The following RANBP17 variants were observed in gnomAD, a reference collection of about 807,000 sequenced individuals.
RANBP17 encodes RAN binding protein 17.
RANBP17 carries 158 observed loss-of-function variants against 141.2 expected under a neutral mutation model. That is an observed-to-expected ratio of 1.12 (90% confidence interval 0.98 to 1.28). The LOEUF (loss-of-function observed/expected upper bound fraction) is 1.28, where lower values mean the gene tolerates loss of function less well. RANBP17 is among the 50% of genes most tolerant of loss of function. The probability of loss-of-function intolerance (pLI) is 0.00; values close to 1 mark genes in which losing one functional copy is unlikely to be tolerated. For synonymous variants in RANBP17, 430 were observed against 450.0 expected (o/e 0.96, Z 0.56); for missense variants, 1,438 against 1,290.7 (o/e 1.11, Z -1.75).
intron 25 of RANBP17, among the ~76,000 whole-genome samples, chr5:171,277,362 C>T (rs1767552285): frequency 6.6e-6 from 1 of 151,666 alleles, no homozygotes; most frequent in Non-Finnish European, 1.5e-5. Flanking sequence ...GGATGGCTAC[C>T]TTGGCCAGAA....
chr5:171,145,103 C>A (rs189193282), intron 14 of RANBP17, among the ~76,000 whole-genome samples: 1 of 152,268 alleles, frequency 6.6e-6, no homozygotes, highest in East Asian at 1.9e-4. Context: ...ACTATGAAGG[C>A]TAGATATTAA....
At chr5:171,106,272 C>T (rs1359561997) in intron 14 of RANBP17, among the ~76,000 whole-genome samples, 2 of 152,048 alleles carry the variant, frequency 1.3e-5, no homozygotes, top group Non-Finnish European at 2.9e-5. Flanking sequence ...AGAGAGGAAT[C>T]AGAAGTCTTC....
At chr5:171,108,286 G>A (rs1416059792) in intron 14 of RANBP17, among the ~76,000 whole-genome samples, 1 of 152,022 alleles carries the variant, frequency 6.6e-6, no homozygotes, top group African/African-American at 2.4e-5. Context: ...ATGAAGCAGT[G>A]CAACTAATAA....
intron 14 of RANBP17, among the ~76,000 whole-genome samples, chr5:171,122,145 C>T (rs1331306244): frequency 6.6e-6 from 1 of 152,270 alleles, no homozygotes; most frequent in Non-Finnish European, 1.5e-5. Flanking sequence ...CAATAGAGTG[C>T]GGAGGTCACT....
At chr5:171,284,273 G>A (rs992680690) in intron 25 of RANBP17, among the ~76,000 whole-genome samples, 3 of 152,044 alleles carry the variant, frequency 2.0e-5, no homozygotes, top group Admixed American at 6.6e-5. Context: ...CTCTTCATTG[G>A]AAGTCTTGAC....
At chr5:171,205,458 GATT>G (rs1194447628) in intron 19 of RANBP17, 63 bp from the exon 20 acceptor site, 2 of 1,312,888 alleles carry the variant, frequency 1.5e-6, no homozygotes, top group Non-Finnish European at 2.2e-6. Flanking sequence ...ATTATTGCCT[GATT>G]ATTACTCCAT....
intron 12 of RANBP17, among the ~76,000 whole-genome samples, chr5:170,929,860 C>G (rs1377441196): frequency 6.6e-6 from 1 of 152,110 alleles, no homozygotes; most frequent in Non-Finnish European, 1.5e-5. Flanking sequence ...ATTGTGAATT[C>G]ATTTTCTTTA....
intron 14 of RANBP17, among the ~76,000 whole-genome samples, chr5:171,005,812 A>G (rs1472596513): frequency 6.6e-6 from 1 of 152,230 alleles, no homozygotes; most frequent in Non-Finnish European, 1.5e-5. Context: ...CAGGCAACCT[A>G]CAGAATGGGG....
chr5:170,961,126 G>A (rs930271377), intron 13 of RANBP17, among the ~76,000 whole-genome samples: 1 of 152,108 alleles, frequency 6.6e-6, no homozygotes, highest in Admixed American at 6.5e-5. Flanking sequence ...TAGAATATTA[G>A]GAAATAGCAT....
chr5:171,151,045 A>G (rs1348614081), intron 14 of RANBP17, among the ~76,000 whole-genome samples: 2 of 152,210 alleles, frequency 1.3e-5, no homozygotes, highest in Non-Finnish European at 2.9e-5. Context: ...TAAAGTTTAT[A>G]TCTGTCTACT....
At position 170,968,282 on chromosome 5, in the gene RANBP17, C is replaced by T. The variant is rs139703890; in HGVS notation, c.1615C>T (p.Arg539Ter). Residue 539 changes from arginine to a stop codon, truncating the protein, a stop_gained, in exon 14 of 28, where the codon CGA becomes TGA. Transcript: ENST00000523189. LOFTEE classifies it high-confidence loss of function. The stretch of plus-strand genomic sequence containing the variant: ...ATCTTTAATGGATACCGGATTGCCT[C>T]GATGTTGTAATGAGAAAATAGAGCT... ...LISLMDTGLP[R>*]CCNEKIELAI... 1.6e-5 allele frequency: 26 copies of T among 1,604,120 alleles called. No homozygotes were observed. Among genetic ancestry groups the T allele is most frequent in the African/African-American group, 6.7e-5 (5 of 74,268 alleles).
At position 171,221,761 on chromosome 5, in the gene RANBP17, C is replaced by A; in HGVS notation, c.2343C>A (p.Ser781=). The A allele has an allele frequency of 6.2e-7, 1 of 1,600,184 alleles. No homozygotes were observed. The highest frequency in any genetic ancestry group is 8.6e-7 in the Non-Finnish European group (1 of 1,168,914). The change falls in exon 22 of 28, where the codon TCC becomes TCA. Residue 781 remains serine, a synonymous_variant. Transcript: ENST00000523189. ...AATTTTTTTCTATATTTCTTAGATC[C>A]CAGCGTTTGAATTTTGATGTATCAT... The part of the protein sequence containing the change: ...KLMAELMQNR[S]QRLNFDVSSP...
chr5:171,209,050 A>T (rs1762731154), intron 20 of RANBP17, among the ~76,000 whole-genome samples: 1 of 152,214 alleles, frequency 6.6e-6, no homozygotes, highest in African/African-American at 2.4e-5. Flanking sequence ...CTATAATCAA[A>T]TATAGAAAGT....
chr5:171,099,814 G>T (rs1412950904), intron 14 of RANBP17, among the ~76,000 whole-genome samples: 5 of 152,244 alleles, frequency 3.3e-5, no homozygotes, highest in East Asian at 1.9e-4. Context: ...TAGCATGAAG[G>T]GGTGTTGAAT....
intron 12 of RANBP17, among the ~76,000 whole-genome samples, chr5:170,947,160 A>G (rs942742119): frequency 5.9e-5 from 9 of 152,212 alleles, no homozygotes; most frequent in African/African-American, 2.2e-4. Context: ...CAATAGAAAT[A>G]TAATTACTAT....
chr5:171,219,591 T>C (rs1208227910), intron 21 of RANBP17, among the ~76,000 whole-genome samples: 1 of 152,050 alleles, frequency 6.6e-6, no homozygotes, highest in Admixed American at 6.6e-5. Context: ...GTTCTTTCCT[T>C]TTCATTCTTT....
intron 14 of RANBP17, among the ~76,000 whole-genome samples, chr5:171,029,560 AC>A (rs1355331556): frequency 2.6e-5 from 4 of 152,060 alleles, no homozygotes; most frequent in African/African-American, 9.7e-5. Flanking sequence ...AATGACTAAG[AC>A]AGAGACAAGA....
chr5:171,160,999 CT>C (rs2127856321), intron 14 of RANBP17, among the ~76,000 whole-genome samples: 2 of 152,262 alleles, frequency 1.3e-5, no homozygotes, highest in East Asian at 3.9e-4. Flanking sequence ...AGGGTTTCAC[CT>C]TGTTGGCCAG....
At chr5:170,965,053 G>A (rs1776446461) in intron 13 of RANBP17, among the ~76,000 whole-genome samples, 1 of 152,154 alleles carries the variant, frequency 6.6e-6, no homozygotes, top group South Asian at 2.1e-4. Flanking sequence ...ATCCTCTCCA[G>A]CACCTGTTGT....
Sources: gnomAD v4.1 joint callset for allele counts (sites outside exome capture counted in the v4.1 genomes callset) on GRCh38, gnomAD v4.1.1 for gene constraint, MANE v1.5 for transcripts, NCBI Gene and HGNC (gene_info 2026-07-23, HGNC 2026-07-21) for gene names.